The following AHCYL1 variants were observed in gnomAD, a reference collection of about 807,000 sequenced individuals.
AHCYL1 encodes S-adenosylhomocysteine hydrolase-like protein 1.
In AHCYL1, 20 loss-of-function variants were observed where a neutral mutation model predicts 79.3. The observed-to-expected ratio is 0.25, with a 90% CI of 0.18 to 0.37. AHCYL1 has a LOEUF of 0.37. Among genes scored for constraint, AHCYL1 ranks in the 10% least tolerant of loss-of-function variants. AHCYL1 has a pLI of 1.00. For missense variants in AHCYL1, 330 were observed against 673.6 expected, an observed-to-expected ratio of 0.49 and a Z score of 5.65; for synonymous variants, 223 against 242.2, an observed-to-expected ratio of 0.92 and a Z score of 0.74.
At chr1:109,987,754 G>C (rs1307138673) in intron 1 of AHCYL1, among the ~76,000 whole-genome samples, 1 of 152,198 alleles carries the variant, frequency 6.6e-6, no homozygotes, top group Non-Finnish European at 1.5e-5. Context: ...ACACTGCTAT[G>C]AACAAAATAG....
chr1:110,020,626 T>G (rs1651738716), intron 15 of AHCYL1, 105 bp from the exon 16 acceptor site: 1 of 1,393,704 alleles, frequency 7.2e-7, no homozygotes, highest in Non-Finnish European at 9.7e-7. Context: ...AGTTATTCCA[T>G]CCCTTGTCTG....
rs561114663 is a variant in AHCYL1, at chr1:110,000,607, C to G, written c.121-8427C>G. On this transcript the variant is annotated intron_variant, in intron 1 of 16. Transcript: ENST00000369799. The stretch of plus-strand genomic sequence containing the variant: ...AAATCTTTATCTGGTGTTATAAGCT[C>G]AGAAAGCTTATAGTGCAACAGTAGA... 5.9e-5 allele frequency among the ~76,000 whole-genome samples: 9 copies of G among 152,288 alleles called. No individual in the cohort carries two copies. In the South Asian group the frequency reaches 1.9e-3, roughly 32 times the overall value.
In AHCYL1 at chr1:109,984,868, C is replaced by T. The variant is rs992401236; in HGVS notation, c.-185C>T. 11 of 990,456 alleles carry T rather than the reference C, an allele frequency of 1.1e-5. No individual in the cohort carries two copies. The highest frequency in any genetic ancestry group is 2.6e-6 in the Non-Finnish European group (2 of 761,818). The allele number at this position is 990,456 out of a possible 1,614,324, so 61.4% of individuals were successfully genotyped here. A position where few individuals can be genotyped will look rare whatever the true frequency, so the allele number is the denominator to read the frequency against. Reference sequence around the variant, plus strand: ...TGTGGCCGCCGTCGCTGTCCGGCTGCCTTGGGCTGCCGAACAGACAAGGCG... The same window carrying T: ...TGTGGCCGCCGTCGCTGTCCGGCTGTCTTGGGCTGCCGAACAGACAAGGCG... On this transcript the variant is annotated 5_prime_UTR_variant, in exon 1 of 17. Coordinates refer to ENST00000369799, the MANE Select transcript of AHCYL1 (RefSeq NM_006621.7).
intron 1 of AHCYL1, chr1:109,985,450 G>A (rs376599433): frequency 4.4e-6 from 5 of 1,145,020 alleles, no homozygotes; most frequent in Non-Finnish European, 5.4e-6. Context: ...CTGGATGAAG[G>A]GCCTCGAAGA....
At chr1:109,996,458 A>C (rs1650034827) in intron 1 of AHCYL1, among the ~76,000 whole-genome samples, 1 of 152,248 alleles carries the variant, frequency 6.6e-6, no homozygotes, top group Non-Finnish European at 1.5e-5. Flanking sequence ...CATACTCTGT[A>C]GAGCTGACAT....
At chr1:109,991,191 A>T (rs752461030) in intron 1 of AHCYL1, among the ~76,000 whole-genome samples, 28 of 152,208 alleles carry the variant, frequency 1.8e-4, no homozygotes, top group Non-Finnish European at 3.8e-4. Flanking sequence ...ATCAGTATAC[A>T]TTGGGGGGCT....
intron 14 of AHCYL1, 33 bp downstream of exon 14, chr1:110,019,152 G>A (rs1476444407): frequency 6.9e-6 from 11 of 1,595,662 alleles, no homozygotes; most frequent in Non-Finnish European, 8.6e-7. Flanking sequence ...ACACTGCACT[G>A]CAATTTGTGG....
rs144280723 is a variant in AHCYL1, at chr1:110,009,332, G to A, written c.232+187G>A. On this transcript the variant is annotated intron_variant, in intron 2 of 16. Coordinates refer to ENST00000369799, the MANE Select transcript of AHCYL1 (RefSeq NM_006621.7). ...TAGCTGGGGAAGCTTTTGTCGACTC[G>A]AGACTTTCTTCCCCCTGGCTGTCTG... Among the ~76,000 whole-genome samples the A allele has an allele frequency of 7.9e-5, 12 of 152,300 alleles. No individual in the cohort carries two copies. The East Asian group carries it at 2.1e-3, about 27-fold the overall frequency.
intron 1 of AHCYL1, chr1:109,995,774 A>G (rs371401089): frequency 1.6e-5 from 13 of 820,658 alleles, no homozygotes; most frequent in East Asian, 2.5e-4. Context: ...TGTAATCAGA[A>G]TGGGGGAGGA....
At chr1:109,994,261 G>GTTGT (rs148426018) in intron 1 of AHCYL1, among the ~76,000 whole-genome samples, 47,658 of 151,510 alleles carry the variant, frequency 0.31, 7,815 homozygotes, top group East Asian at 0.42. Context: ...GCTATTTTGT[G>GTTGT]TTGTTTGTTT....
In AHCYL1 at chr1:110,012,263, C is replaced by T. The variant is rs1651080618; in HGVS notation, c.377-99C>T. ...GGAAATAGGCTTAAAGTTTTTCTGC[C>T]TCATCTCACCATATCTCAACAGATC... On this transcript the variant is annotated intron_variant, in intron 3 of 16. Coordinates refer to ENST00000369799, the MANE Select transcript of AHCYL1 (RefSeq NM_006621.7). 5.9e-6 allele frequency: 6 copies of T among 1,023,996 alleles called. No homozygotes were observed. In the East Asian group the frequency reaches 1.5e-4, roughly 26 times the overall value. 63.4% of individuals were successfully genotyped at this position (1,023,996 alleles called of 1,614,324 possible).
chr1:109,992,885 T>C (rs1649840675), intron 1 of AHCYL1, among the ~76,000 whole-genome samples: 1 of 152,222 alleles, frequency 6.6e-6, no homozygotes, highest in Non-Finnish European at 1.5e-5. Context: ...AAAGTCCTGA[T>C]GTGGAAGGCC....
chr1:110,000,152 C>T (rs1650231065), intron 1 of AHCYL1, among the ~76,000 whole-genome samples: 1 of 152,152 alleles, frequency 6.6e-6, no homozygotes, highest in African/African-American at 2.4e-5. Context: ...GGTAACTTCT[C>T]ATGAAATAAC....
intron 1 of AHCYL1, among the ~76,000 whole-genome samples, chr1:109,993,886 A>G (rs1570848920): frequency 2.0e-5 from 3 of 152,336 alleles, no homozygotes; most frequent in African/African-American, 7.2e-5. Context: ...AGGCTTTCAC[A>G]TAGGGTATTT....
intron 5 of AHCYL1, 104 bp downstream of exon 5, chr1:110,013,103 C>A: frequency 8.9e-6 from 7 of 788,980 alleles, no homozygotes; most frequent in South Asian, 4.6e-5. Context: ...TGTCTAGAGG[C>A]TATAAAATTG....
At chr1:109,988,463 C>T (rs1649585927) in intron 1 of AHCYL1, among the ~76,000 whole-genome samples, 1 of 152,220 alleles carries the variant, frequency 6.6e-6, no homozygotes, top group Non-Finnish European at 1.5e-5. Flanking sequence ...CCCATAACCA[C>T]TGGTTATTTA....
chr1:109,996,570 T>C lies in AHCYL1; in HGVS notation c.120+11398T>C, dbSNP rs187745107. On this transcript the variant is annotated intron_variant, in intron 1 of 16. Transcript: ENST00000369799. ...GAGATGTGTACGTATTCCAGCAAAATGCACACAGTCATGTGTCACTTAACA... is the reference window on the plus strand; with the variant it reads ...GAGATGTGTACGTATTCCAGCAAAACGCACACAGTCATGTGTCACTTAACA... Among the ~76,000 whole-genome samples the C allele has an allele frequency of 2.6e-5, 4 of 152,306 alleles. No individual in the cohort carries two copies. In the East Asian group the frequency reaches 7.7e-4, roughly 29 times the overall value.
In AHCYL1 at chr1:109,991,974, A is replaced by G. The variant is rs573874333; in HGVS notation, c.120+6802A>G. Among the ~76,000 whole-genome samples, 160 of 152,308 alleles carry G rather than the reference A, an allele frequency of 1.1e-3. 1 individual carries two copies. Among genetic ancestry groups the G allele is most frequent in the African/African-American group, 3.7e-3 (153 of 41,568 alleles). On this transcript the variant is annotated intron_variant, in intron 1 of 16. Coordinates refer to ENST00000369799, the MANE Select transcript of AHCYL1 (RefSeq NM_006621.7). Reference sequence around the variant, plus strand: ...TAGGTTTCCATATGCTTAATGGGAAATACTTTGTCCCTTTTCCCCCAAGAC... The same window carrying G: ...TAGGTTTCCATATGCTTAATGGGAAGTACTTTGTCCCTTTTCCCCCAAGAC...
chr1:110,000,974 G>T (rs1650278818), intron 1 of AHCYL1: 1 of 984,646 alleles, frequency 1.0e-6, no homozygotes, highest in Non-Finnish European at 1.2e-6. Context: ...CAGGATCTTG[G>T]TGTCCACCCT....
Sources: gnomAD v4.1 joint callset for allele counts (sites outside exome capture counted in the v4.1 genomes callset) on GRCh38, gnomAD v4.1.1 for gene constraint, MANE v1.5 for transcripts, NCBI Gene and HGNC (gene_info 2026-07-23, HGNC 2026-07-21) for gene names.